The following LMBR1 variants were observed in gnomAD, a reference collection of about 807,000 sequenced individuals.
The protein encoded by LMBR1 is limb region 1 protein homolog.
A neutral mutation model predicts 73.9 loss-of-function variants in LMBR1; 52 were observed. The ratio of observed to expected loss-of-function variants is 0.70; its 90% CI spans 0.56 to 0.89. LMBR1 has a LOEUF of 0.89. LMBR1 is among the 40% of genes least tolerant of loss of function. The pLI, the probability that LMBR1 is intolerant of heterozygous loss-of-function variation, is 0.00. For synonymous variants in LMBR1, 215 were observed against 209.4 expected (o/e 1.03, Z -0.23); for missense variants, 539 against 579.8 (o/e 0.93, Z 0.72).
At chr7:156,861,488 T>A in intron 1 of LMBR1, among the ~76,000 whole-genome samples, 1 of 152,188 alleles carries the variant, frequency 6.6e-6, no homozygotes. Context: ...CTTGGAGACA[T>A]TTTCCCCCTT....
rs1170999024 is a variant in LMBR1 at position 156,681,413 on chromosome 7, G to A, written c.*2665C>T. 1 of 171,116 alleles carries A rather than the reference G, an allele frequency of 5.8e-6. No individual in the cohort carries two copies. The highest frequency in any genetic ancestry group is 1.3e-5 in the Non-Finnish European group (1 of 79,812). The allele number at this position is 171,116 out of a possible 1,614,324, so 10.6% of individuals were successfully genotyped here. ...AATTTCATGTAAAGCCTCATATTTA[G>A]AGGTCTATTTTTACAGAGAATGTAC... On this transcript the variant is annotated 3_prime_UTR_variant, in exon 17 of 17. Coordinates refer to ENST00000353442, the MANE Select transcript of LMBR1 (RefSeq NM_022458.4).
At chr7:156,827,626 A>G (rs2133829476) in intron 3 of LMBR1, among the ~76,000 whole-genome samples, 1 of 152,268 alleles carries the variant, frequency 6.6e-6, no homozygotes, top group Admixed American at 6.5e-5. Flanking sequence ...AAAGAACTTC[A>G]CTAATATTAG....
At chr7:156,715,086 G>A (rs1351486546) in intron 15 of LMBR1, among the ~76,000 whole-genome samples, 1 of 151,674 alleles carries the variant, frequency 6.6e-6, no homozygotes, top group Non-Finnish European at 1.5e-5. Flanking sequence ...CAAGTAGCTG[G>A]GATTACAGGC....
At chr7:156,783,783 T>C (rs1827583421) in intron 5 of LMBR1, among the ~76,000 whole-genome samples, 1 of 152,114 alleles carries the variant, frequency 6.6e-6, no homozygotes, top group Non-Finnish European at 1.5e-5. Flanking sequence ...TCCTATCCCT[T>C]CTAGACACTG....
chr7:156,732,033 T>C (rs1017938521), intron 10 of LMBR1, among the ~76,000 whole-genome samples: 5 of 151,822 alleles, frequency 3.3e-5, no homozygotes, highest in African/African-American at 1.2e-4. Context: ...AACAGCAGGA[T>C]GACTGAAGTA....
chr7:156,819,980 A>C (rs117117895), intron 4 of LMBR1, among the ~76,000 whole-genome samples: 360 of 152,336 alleles, frequency 2.4e-3, no homozygotes, highest in Admixed American at 5.0e-3. Context: ...ACAGTAAACC[A>C]AAACCAATAC....
At chr7:156,889,971 G>C (rs141159466) in intron 1 of LMBR1, among the ~76,000 whole-genome samples, 1 of 152,028 alleles carries the variant, frequency 6.6e-6, no homozygotes. Context: ...GCCACTGCAC[G>C]ACAGCCTGGT....
At chr7:156,836,954 T>A in intron 1 of LMBR1, 69 bp from the exon 2 acceptor site, 1 of 940,156 alleles carries the variant, frequency 1.1e-6, no homozygotes, top group Non-Finnish European at 1.6e-6. Flanking sequence ...AGAAGATATA[T>A]CTGTGATATT....
chr7:156,837,745 A>T (rs891759337), intron 1 of LMBR1, among the ~76,000 whole-genome samples: 9 of 151,504 alleles, frequency 5.9e-5, no homozygotes, highest in African/African-American at 2.4e-5. Context: ...TGAAGAAAAG[A>T]CTTCTTTAAG....
At chr7:156,879,314 T>C (rs1302890046) in intron 1 of LMBR1, among the ~76,000 whole-genome samples, 1 of 152,114 alleles carries the variant, frequency 6.6e-6, no homozygotes, top group African/African-American at 2.4e-5. Context: ...AGGACTGATA[T>C]CCAGAATCCA....
Position 156,884,130 on chromosome 7 carries a change from ACAT to A in LMBR1, c.66+8795_66+8797del, listed in dbSNP as rs1425784731. 2.6e-5 allele frequency among the ~76,000 whole-genome samples: 4 copies of A among 152,352 alleles called. No homozygotes were observed. In the South Asian group the frequency reaches 6.2e-4, roughly 24 times the overall value. Reference sequence around the variant, plus strand: ...GTTGGCTATTGGATTTGTTTCTAATACATCATTCCACTAGAAGACTTTACAACC... The same window carrying A: ...GTTGGCTATTGGATTTGTTTCTAATACATTCCACTAGAAGACTTTACAACC... On this transcript the variant is annotated intron_variant, in intron 1 of 16. Transcript: ENST00000353442.
At chr7:156,734,309 G>T (rs756215709) in intron 9 of LMBR1, 52 bp from the exon 10 acceptor site, 2 of 1,129,242 alleles carry the variant, frequency 1.8e-6, no homozygotes, top group South Asian at 3.1e-5. Flanking sequence ...TAACACTATA[G>T]AACAGGTAGC....
intron 5 of LMBR1, among the ~76,000 whole-genome samples, chr7:156,794,170 A>G (rs1829701884): frequency 6.6e-6 from 1 of 152,176 alleles, no homozygotes; most frequent in African/African-American, 2.4e-5. Flanking sequence ...ACAGTCATTC[A>G]ATATTTCAGT....
rs571112599 is a variant in LMBR1 at position 156,743,502 on chromosome 7, G to T, written c.758-9245C>A. On this transcript the variant is annotated intron_variant, in intron 9 of 16. Coordinates refer to ENST00000353442, the MANE Select transcript of LMBR1 (RefSeq NM_022458.4). ...TCATATAATGAGAAGTTTAGACACA[G>T]AGCAAACTTCAAAGAGGATTTTCCA... Among the ~76,000 whole-genome samples, 10 of 152,266 alleles carry T rather than the reference G, an allele frequency of 6.6e-5. No homozygotes were observed. In the South Asian group the frequency reaches 1.7e-3, roughly 25 times the overall value.
chr7:156,707,428 A>G (rs1342042230), intron 15 of LMBR1, among the ~76,000 whole-genome samples: 2 of 152,130 alleles, frequency 1.3e-5, no homozygotes, highest in East Asian at 1.9e-4. Context: ...CAAGTACACT[A>G]CAGACCAATA....
At chr7:156,823,487 G>A (rs1030945893) in intron 4 of LMBR1, 2 of 152,152 alleles carry the variant, frequency 1.3e-5, no homozygotes, top group African/African-American at 4.8e-5. Context: ...TCCTCTAGAT[G>A]CTCAACAACA....
intron 5 of LMBR1, among the ~76,000 whole-genome samples, chr7:156,772,773 G>A (rs1040270759): frequency 2.0e-5 from 3 of 151,978 alleles, no homozygotes; most frequent in Admixed American, 6.6e-5. Flanking sequence ...GCTTGAACCC[G>A]GGAGGCAGAG....
chr7:156,875,940 A>G (rs1173465135), intron 1 of LMBR1, among the ~76,000 whole-genome samples: 1 of 152,114 alleles, frequency 6.6e-6, no homozygotes, highest in Non-Finnish European at 1.5e-5. Context: ...ATAGGCAACC[A>G]ATAGCACGAT....
intron 3 of LMBR1, among the ~76,000 whole-genome samples, chr7:156,827,608 A>G (rs1458461001): frequency 6.6e-6 from 1 of 152,158 alleles, no homozygotes; most frequent in African/African-American, 2.4e-5. Flanking sequence ...ATAAATTGGC[A>G]AAGGAAAAAA....
Sources: gnomAD v4.1 joint callset for allele counts (sites outside exome capture counted in the v4.1 genomes callset) on GRCh38, gnomAD v4.1.1 for gene constraint, MANE v1.5 for transcripts, NCBI Gene and HGNC (gene_info 2026-07-23, HGNC 2026-07-21) for gene names.